Variants in TRPM2 observed in about 807,000 individuals in gnomAD.
TRPM2 encodes transient receptor potential cation channel subfamily M member 2.
In TRPM2, 161 loss-of-function variants were observed where a neutral mutation model predicts 174.0. That is an observed-to-expected ratio of 0.93 (90% CI 0.81 to 1.05). The LOEUF is 1.05. Among genes scored for constraint, TRPM2 ranks in the 50% least tolerant of loss-of-function variants. TRPM2 has a pLI of 0.00. For synonymous variants in TRPM2, 954 were observed against 861.3 expected, an observed-to-expected ratio of 1.11 and a Z score of -1.88; for missense variants, 2,057 against 2,038.0, an observed-to-expected ratio of 1.01 and a Z score of -0.18.
intron 27 of TRPM2, among the ~76,000 whole-genome samples, chr21:44,428,355 CTGGCCCCTCCCCTGAGGTG>C (rs1417528254): frequency 6.6e-6 from 1 of 152,096 alleles, no homozygotes; most frequent in African/African-American, 2.4e-5. Context: ...CTGCTAAGAT[CTGGCCCCTCCCCTGAGGTG>C]TGGCTCCTCC....
chr21:44,396,366 G>T (rs1190409380), intron 12 of TRPM2, among the ~76,000 whole-genome samples: 1 of 1,290 alleles, frequency 7.8e-4, no homozygotes, highest in African/African-American at 0.031. Context: ...GTGGAGGGGT[G>T]TGGAGGGGTG....
intron 11 of TRPM2, 31 bp from the exon 12 acceptor site, chr21:44,395,383 G>A: frequency 6.2e-7 from 1 of 1,609,464 alleles, no homozygotes; most frequent in Non-Finnish European, 8.5e-7. Flanking sequence ...AGGCGGCCCG[G>A]CTGGGGCTCT....
chr21:44,375,446 C>T (rs1359332821), intron 5 of TRPM2, among the ~76,000 whole-genome samples: 1 of 152,182 alleles, frequency 6.6e-6, no homozygotes, highest in Non-Finnish European at 1.5e-5. Context: ...GCATTGTGGT[C>T]TCTCACGTGT....
intron 6 of TRPM2, among the ~76,000 whole-genome samples, chr21:44,377,326 T>C (rs2048735135): frequency 6.6e-6 from 1 of 152,162 alleles, no homozygotes; most frequent in Non-Finnish European, 1.5e-5. Context: ...GCCACCTGCT[T>C]GGGGCCTCAG....
chr21:44,440,812 C>A lies in TRPM2; in HGVS notation c.4293C>A (p.Asp1431Glu), dbSNP rs1423599890. The A allele has an allele frequency of 6.2e-7, 1 of 1,613,834 alleles. No homozygotes were observed. The highest frequency in any genetic ancestry group is 8.5e-7 in the Non-Finnish European group (1 of 1,179,952). The part of the protein sequence containing the change: ...GMEVYKGYMD[D>E]PRNTDNAWIE... ...AGGTGTACAAAGGCTACATGGATGACCCGAGGAACACGGACAATGCCTGGA... is the reference window on the plus strand; with the variant it reads ...AGGTGTACAAAGGCTACATGGATGAACCGAGGAACACGGACAATGCCTGGA... Residue 1431 changes from aspartate (D) to glutamate (E), a missense_variant, in exon 31 of 32, where the codon GAC (aspartate) becomes GAA (glutamate). Physicochemically the swap from Asp to Glu is conservative, Grantham distance 45 (BLOSUM62 2). Transcript: ENST00000397928.
intron 16 of TRPM2, among the ~76,000 whole-genome samples, chr21:44,402,969 T>G (rs1489582588): frequency 6.6e-6 from 1 of 152,112 alleles, no homozygotes. Flanking sequence ...TACCACTGCC[T>G]ACTGGGGCCC....
In TRPM2 at chr21:44,418,107, C is replaced by T. The variant is rs1042816560; in HGVS notation, c.3327C>T (p.Leu1109=). 6.2e-7 allele frequency: 1 copy of T among 1,608,810 alleles called. No individual in the cohort carries two copies. The highest frequency in any genetic ancestry group is 8.5e-7 in the Non-Finnish European group (1 of 1,177,710). Residue 1109 remains leucine, a splice_region_variant and synonymous_variant, in exon 21 of 32, where the codon CTC becomes CTT. Transcript: ENST00000397928. ...LKTPAKRHKQ[L]KNKLEKNEEA... The stretch of plus-strand genomic sequence containing the variant: ...CTCCGGCCAAGAGGCACAAGCAGCT[C>T]AGTATGCCAGCCCCAGTGCCTCTCC...
At chr21:44,396,685 T>C (rs1363457655) in intron 12 of TRPM2, among the ~76,000 whole-genome samples, 2 of 936 alleles carry the variant, frequency 2.1e-3, no homozygotes, top group Non-Finnish European at 3.7e-3. Flanking sequence ...GTGTGGAGGG[T>C]TGTGGAGGGG....
At chr21:44,359,841 G>T (rs144806736) in intron 2 of TRPM2, among the ~76,000 whole-genome samples, 2 of 151,552 alleles carry the variant, frequency 1.3e-5, no homozygotes, top group East Asian at 3.9e-4. Context: ...TCCACCTCCC[G>T]GGCTCAAGCG....
chr21:44,354,709 T>C lies in TRPM2; in HGVS notation c.227T>C (p.Val76Ala). 1.2e-6 allele frequency: 2 copies of C among 1,614,218 alleles called. No homozygotes were observed. The highest frequency in any genetic ancestry group is 1.7e-6 in the Non-Finnish European group (2 of 1,180,036). Residue 76 changes from valine to alanine, a missense_variant, in exon 2 of 32, where the codon GTG becomes GCG. By Grantham distance (64) the Val-to-Ala change is moderately conservative. Coordinates refer to ENST00000397928, the MANE Select transcript of TRPM2 (RefSeq NM_003307.4). This position sits in a 1 kb window ranked among gnomAD's most constrained non-coding sequence, Gnocchi z 4.3. ...NIKKKECVYF[V>A]ESSKLSDAGK... ...AAGAAGAAAGAATGCGTGTATTTTG[T>C]GGAAAGTTCCAAACTGTCTGATGCT...
chr21:44,424,808 T>G, intron 23 of TRPM2, 44 bp from the exon 24 acceptor site: 26 of 1,383,916 alleles, frequency 1.9e-5, no homozygotes, highest in Non-Finnish European at 2.4e-5. Context: ...GTACCATGCG[T>G]GTGGGTGGCA....
rs141326615 is a variant in TRPM2 at position 44,364,850 on chromosome 21, A to G, written c.423+568A>G. The stretch of plus-strand genomic sequence containing the variant: ...GGTGCAGACTGCTGGAGGGAGGCCC[A>G]GGTGCAGGGTTAGGTTCTCTCGTGC... On this transcript the variant is annotated intron_variant, in intron 3 of 31. Transcript: ENST00000397928. Among the ~76,000 whole-genome samples, 733 of 152,336 alleles carry G rather than the reference A, an allele frequency of 4.8e-3. 2 individuals are homozygous for G. Among genetic ancestry groups the G allele is most frequent in the Non-Finnish European group, 7.6e-3 (519 of 68,022 alleles).
At position 44,404,280 on chromosome 21, in the gene TRPM2, G is replaced by T. The variant is rs549286986; in HGVS notation, c.2539-862G>T. 2.0e-5 allele frequency among the ~76,000 whole-genome samples: 3 copies of T among 150,000 alleles called. No homozygotes were observed. The South Asian group carries it at 6.4e-4, about 32-fold the overall frequency. ...ACATACACAATACATGCAAATGTATGTGCATACACATATACATGCACACAT... is the reference window on the plus strand; with the variant it reads ...ACATACACAATACATGCAAATGTATTTGCATACACATATACATGCACACAT... On this transcript the variant is annotated intron_variant, in intron 16 of 31. Transcript: ENST00000397928.
intron 4 of TRPM2, 90 bp from the exon 5 acceptor site, chr21:44,369,087 G>T: frequency 7.5e-7 from 1 of 1,341,558 alleles, no homozygotes; most frequent in Non-Finnish European, 9.9e-7. Flanking sequence ...GCGGGGCATC[G>T]CTGAGCCTAG....
At chr21:44,410,053 T>C (rs539570063) in intron 19 of TRPM2, among the ~76,000 whole-genome samples, 3,161 of 119,480 alleles carry the variant, frequency 0.026, 208 homozygotes, top group African/African-American at 0.09. Context: ...TAAGTTTTGA[T>C]CGCGCTGTCT....
chr21:44,423,376 C>T, intron 22 of TRPM2: 1 of 465,830 alleles, frequency 2.1e-6, no homozygotes, highest in African/African-American at 2.0e-5. Flanking sequence ...GTTCACTCAC[C>T]TCCCCCTCTC....
At chr21:44,382,341 T>A (rs1207423925) in intron 8 of TRPM2, among the ~76,000 whole-genome samples, 1 of 152,030 alleles carries the variant, frequency 6.6e-6, no homozygotes, top group Non-Finnish European at 1.5e-5. Context: ...ATAGATAGAC[T>A]GATCGATCGA....
At chr21:44,386,493 G>A (rs1359814067) in intron 9 of TRPM2, among the ~76,000 whole-genome samples, 1 of 152,102 alleles carries the variant, frequency 6.6e-6, no homozygotes. Context: ...TCTATTTACA[G>A]TAGCATCAAA....
Position 44,394,201 on chromosome 21 carries a change from G to A in TRPM2, c.1795-1213G>A, listed in dbSNP as rs553664093. Among the ~76,000 whole-genome samples, 20 of 151,822 alleles carry A rather than the reference G, an allele frequency of 1.3e-4. No homozygotes were observed. In the South Asian group the frequency reaches 4.0e-3, roughly 30 times the overall value. ...GCTTGGTTTTATACATTCACGATCTGCACTTCTTAAGTCCAGTGCGTTTAT... is the reference window on the plus strand; with the variant it reads ...GCTTGGTTTTATACATTCACGATCTACACTTCTTAAGTCCAGTGCGTTTAT... On this transcript the variant is annotated intron_variant, in intron 11 of 31. Coordinates refer to ENST00000397928, the MANE Select transcript of TRPM2 (RefSeq NM_003307.4).
Sources: allele counts gnomAD v4.1 joint callset (sites outside exome capture counted in the v4.1 genomes callset), GRCh38; gene constraint gnomAD v4.1.1; non-coding constraint Gnocchi (gnomAD v3.1); transcripts MANE v1.5; gene names NCBI Gene and HGNC (gene_info 2026-07-23, HGNC 2026-07-21).